The following WHAMM variants were observed in gnomAD, a reference collection of about 807,000 sequenced individuals.
The protein encoded by WHAMM is WASP homolog associated with actin, golgi membranes and microtubules, also known as WASP homolog-associated protein with actin, membranes and microtubules.
In WHAMM, 67 loss-of-function variants were observed where a neutral mutation model predicts 76.5. The ratio of observed to expected loss-of-function variants is 0.88; its 90% CI spans 0.72 to 1.07. WHAMM has a LOEUF of 1.07. Among genes scored for constraint, WHAMM ranks in the 50% least tolerant of loss-of-function variants. WHAMM has a pLI of 0.00. For missense variants in WHAMM, 1,021 were observed against 1,051.1 expected (o/e 0.97, Z 0.40); for synonymous variants, 419 against 422.1 (o/e 0.99, Z 0.09).
intron 2 of WHAMM, among the ~76,000 whole-genome samples, chr15:82,815,155 A>ATATATATATATT (rs55807384): frequency 2.2e-5 from 1 of 46,148 alleles, no homozygotes; most frequent in Non-Finnish European, 4.0e-5. Context: ...ATATATATAT[A>ATATATATATATT]GTACAATTCA....
In WHAMM at chr15:82,833,792, T is replaced by A; in HGVS notation, c.*256T>A. Reference sequence around the variant, plus strand: ...GCAAGCTCCGCTTCCCAGGCTGGGGTGCAGTGGTGCGATCTTGGCTCACTG... The same window carrying A: ...GCAAGCTCCGCTTCCCAGGCTGGGGAGCAGTGGTGCGATCTTGGCTCACTG... On this transcript the variant is annotated 3_prime_UTR_variant, in exon 10 of 10. Transcript: ENST00000286760. 2.2e-6 allele frequency: 1 copy of A among 452,570 alleles called. No homozygotes were observed. Among genetic ancestry groups the A allele is most frequent in the Non-Finnish European group, 4.0e-6 (1 of 250,434 alleles). 28.0% of individuals were successfully genotyped at this position (452,570 alleles called of 1,614,324 possible).
intron 6 of WHAMM, among the ~76,000 whole-genome samples, chr15:82,825,429 A>G (rs2151568969): frequency 6.6e-6 from 1 of 152,122 alleles, no homozygotes; most frequent in African/African-American, 2.4e-5. Context: ...CACTCTCAAG[A>G]TATAATCACT....
Position 82,835,060 on chromosome 15 carries a change from AAAGG to A in WHAMM, c.*1527_*1530del, listed in dbSNP as rs2051109557. 1 of 152,186 alleles carries A rather than the reference AAAGG, an allele frequency of 6.6e-6. No individual in the cohort carries two copies. Among genetic ancestry groups the A allele is most frequent in the African/African-American group, 2.4e-5 (1 of 41,430 alleles). The allele number at this position is 152,186 out of a possible 1,614,324, so 9.4% of individuals were successfully genotyped here. A position where few individuals can be genotyped will look rare whatever the true frequency, so the allele number is the denominator to read the frequency against. On this transcript the variant is annotated 3_prime_UTR_variant, in exon 10 of 10. Transcript: ENST00000286760. ...ATTACTCCTGGGTCTCCACAGAACA[AAAGG>A]AACGCACCTCGTTTACAAAGAAAGT...
chr15:82,810,814 C>T, intron 1 of WHAMM: 2 of 948,934 alleles, frequency 2.1e-6, no homozygotes, highest in South Asian at 4.9e-5. Context: ...GTAATATATA[C>T]TTGGTCAAAT....
chr15:82,814,995 C>A (rs2050695758), intron 2 of WHAMM, among the ~76,000 whole-genome samples: 1 of 148,986 alleles, frequency 6.7e-6, no homozygotes, highest in South Asian at 2.1e-4. Context: ...TGGTCTTGAT[C>A]TCCTGACCTC....
intron 8 of WHAMM, among the ~76,000 whole-genome samples, chr15:82,830,196 CTTT>C (rs35705469): frequency 7.3e-6 from 1 of 137,150 alleles, no homozygotes; most frequent in Non-Finnish European, 1.6e-5. Context: ...CTTTTTATGG[CTTT>C]TTTTTTTTTT....
Position 82,833,262 on chromosome 15 carries a change from A to G in WHAMM, c.2156A>G (p.His719Arg), listed in dbSNP as rs1567000322. Residue 719 changes from histidine (H) to arginine (R), a missense_variant, in exon 10 of 10, where the codon CAT (histidine) becomes CGT (arginine). Physicochemically the swap from His to Arg is conservative, Grantham distance 29. Coordinates refer to ENST00000286760, the MANE Select transcript of WHAMM (RefSeq NM_001080435.3). ...GATGAAGTGTTGGCCTCCTTAAGGC[A>G]TGGCAGAGCTCCTCTCCGGAAGGTG... ...SMDEVLASLRHGRAPLRKVEV... is the reference protein window; with the variant it reads ...SMDEVLASLRRGRAPLRKVEV... 6.2e-7 allele frequency: 1 copy of G among 1,614,008 alleles called. No homozygotes were observed. Among genetic ancestry groups the G allele is most frequent in the East Asian group, 2.2e-5 (1 of 44,888 alleles).
At chr15:82,814,910 C>G (rs2050694323) in intron 2 of WHAMM, among the ~76,000 whole-genome samples, 1 of 149,628 alleles carries the variant, frequency 6.7e-6, no homozygotes, top group Non-Finnish European at 1.5e-5. Flanking sequence ...GCTGGGACTA[C>G]AGGTGCCCGC....
chr15:82,820,050 G>T (rs113047832), intron 5 of WHAMM, among the ~76,000 whole-genome samples: 4,843 of 151,580 alleles, frequency 0.032, 103 homozygotes, highest in Non-Finnish European at 0.054. Flanking sequence ...AAGATACTTC[G>T]TGGTAACAAT....
chr15:82,816,560 A>C, intron 2 of WHAMM, 132 bp from the exon 3 acceptor site: 1 of 850,400 alleles, frequency 1.2e-6, no homozygotes, highest in Non-Finnish European at 1.8e-6. Context: ...GGGACTGCTG[A>C]ATGAATGAAA....
intron 1 of WHAMM, among the ~76,000 whole-genome samples, chr15:82,811,675 G>T (rs2050631125): frequency 6.6e-6 from 1 of 152,122 alleles, no homozygotes; most frequent in African/African-American, 2.4e-5. Flanking sequence ...GAATGGAAAA[G>T]CAATTGATTC....
intron 1 of WHAMM, 127 bp downstream of exon 1, chr15:82,810,462 G>C: frequency 9.8e-6 from 12 of 1,223,338 alleles, no homozygotes; most frequent in Non-Finnish European, 1.2e-5. Context: ...GGAGAAGGCC[G>C]CGGGCTCCCC....
In WHAMM at chr15:82,822,893, A is replaced by G. The variant is rs906624935; in HGVS notation, c.1271-207A>G. Among the ~76,000 whole-genome samples, 5 of 148,722 alleles carry G rather than the reference A, an allele frequency of 3.4e-5. 1 individual carries two copies. Among genetic ancestry groups the G allele is most frequent in the Non-Finnish European group, 7.4e-5 (5 of 67,348 alleles). ...ACATGCATACACTACATGGATATAC[A>G]CACATGCTACTTACATACATGTATA... On this transcript the variant is annotated intron_variant, in intron 5 of 9. Transcript: ENST00000286760.
At chr15:82,830,463 G>A (rs1596288712) in intron 8 of WHAMM, 136 bp from the exon 9 acceptor site, 2 of 1,353,890 alleles carry the variant, frequency 1.5e-6, no homozygotes, top group East Asian at 2.3e-5. Flanking sequence ...AAGGATGGCT[G>A]TACAAACAAG....
intron 6 of WHAMM, 45 bp from the exon 7 acceptor site, chr15:82,826,365 G>C: frequency 6.3e-7 from 1 of 1,593,702 alleles, no homozygotes; most frequent in Non-Finnish European, 8.6e-7. Flanking sequence ...TGCTATACCA[G>C]GGTAATATTA....
intron 6 of WHAMM, among the ~76,000 whole-genome samples, chr15:82,825,130 A>AAAAAAT (rs1460401029): frequency 8.5e-5 from 13 of 152,194 alleles, no homozygotes; most frequent in Non-Finnish European, 1.6e-4. Context: ...GTCTCTAATA[A>AAAAAAT]AAAAATAAAA....
intron 2 of WHAMM, among the ~76,000 whole-genome samples, chr15:82,815,332 A>T (rs898362865): frequency 1.3e-5 from 2 of 151,760 alleles, no homozygotes; most frequent in African/African-American, 2.4e-5. Context: ...TAGCAACAGC[A>T]TTATTCAATA....
At chr15:82,826,630 G>T (rs933966733) in intron 7 of WHAMM, 121 bp from the exon 8 acceptor site, 1 of 1,566,846 alleles carries the variant, frequency 6.4e-7, no homozygotes, top group Non-Finnish European at 8.7e-7. Context: ...CAGCCTGGGC[G>T]CAGCCTTGGG....
At chr15:82,818,142 A>T (rs2050758525) in intron 4 of WHAMM, 53 bp downstream of exon 4, 2 of 1,507,404 alleles carry the variant, frequency 1.3e-6, no homozygotes, top group Non-Finnish European at 1.8e-6. Flanking sequence ...TTATTTTTAA[A>T]ACATTTTGTA....
Sources: allele counts gnomAD v4.1 joint callset (sites outside exome capture counted in the v4.1 genomes callset), GRCh38; gene constraint gnomAD v4.1.1; transcripts MANE v1.5; gene names NCBI Gene and HGNC (gene_info 2026-07-23, HGNC 2026-07-21).